Variants in TMEM59 observed in about 807,000 individuals in gnomAD.
The protein encoded by TMEM59 is transmembrane protein 59, also known as dendritic cell factor 1.
A neutral mutation model predicts 42.2 loss-of-function variants in TMEM59; 44 were observed. The ratio of observed to expected loss-of-function variants is 1.04; its 90% confidence interval spans 0.82 to 1.34. The LOEUF is 1.34. Ranked by LOEUF, TMEM59 falls within the 40% of genes most tolerant of loss-of-function variation. TMEM59 has a pLI of 0.00. For missense variants in TMEM59, 359 were observed against 382.8 expected, an observed-to-expected ratio of 0.94 and a Z score of 0.52; for synonymous variants, 148 against 145.8, an observed-to-expected ratio of 1.02 and a Z score of -0.11.
intron 3 of TMEM59, 128 bp from the exon 4 acceptor site, chr1:54,043,653 T>G (rs1657222529): frequency 3.8e-6 from 2 of 521,358 alleles, no homozygotes; most frequent in Non-Finnish European, 5.6e-6. Context: ...TCTACCATAA[T>G]CAATAGCATT....
rs1266940817 is a variant in TMEM59 at position 54,051,015 on chromosome 1, G to GT, written c.189+1984dup. Among the ~76,000 whole-genome samples the GT allele has an allele frequency of 4.6e-5, 7 of 151,350 alleles. No homozygotes were observed. The South Asian group carries it at 1.3e-3, about 27-fold the overall frequency. On this transcript the variant is annotated intron_variant, in intron 1 of 7. Coordinates refer to ENST00000234831, the MANE Select transcript of TMEM59 (RefSeq NM_004872.5). ...AGGTGCTCGTCTCCATGCCTGGCTA[G>GT]TTTTTTTGTTTTTCTTTTTTCCAGA... is the stretch of plus-strand genomic sequence containing the variant.
intron 3 of TMEM59, chr1:54,045,080 T>C (rs978743883): frequency 2.0e-5 from 3 of 152,188 alleles, no homozygotes; most frequent in African/African-American, 4.8e-5. Context: ...TTTCCCAGTA[T>C]GTCTGGAGAA....
chr1:54,042,796 C>T (rs996164965), intron 4 of TMEM59, among the ~76,000 whole-genome samples: 1 of 152,090 alleles, frequency 6.6e-6, no homozygotes, highest in Non-Finnish European at 1.5e-5. Flanking sequence ...TCACCTTCCT[C>T]ATAATAAAAC....
rs1656763605 is a variant in TMEM59, at chr1:54,031,425, C to T, written c.*725G>A. 6.6e-6 allele frequency: 1 copy of T among 152,092 alleles called. No individual in the cohort carries two copies. Among genetic ancestry groups the T allele is most frequent in the African/African-American group, 2.4e-5 (1 of 41,398 alleles). The allele number at this position is 152,092 out of a possible 1,614,324, so 9.4% of individuals were successfully genotyped here. ...AAGTTTTCTCTGAAAATATGTTTAC[C>T]TTATACTTGATATGCTATCTAACAG... On this transcript the variant is annotated 3_prime_UTR_variant, in exon 8 of 8. Transcript: ENST00000234831.
rs752474350 is a variant in TMEM59 at position 54,045,829 on chromosome 1, A to C, written c.296-43T>G. ...TCAAATTACAAGAAACAAAAGAGAA[A>C]GGGAAAGAGGAAAGAAAAGGATTTG... On this transcript the variant is annotated intron_variant, in intron 2 of 7. Transcript: ENST00000234831. 4 of 1,520,690 alleles carry C rather than the reference A, an allele frequency of 2.6e-6. No individual in the cohort carries two copies. In the South Asian group the frequency reaches 3.7e-5, roughly 14 times the overall value. The allele number at this position is 1,520,690 out of a possible 1,614,324, so 94.2% of individuals were successfully genotyped here.
chr1:54,044,832 A>G (rs1657274904), intron 3 of TMEM59: 2 of 152,174 alleles, frequency 1.3e-5, no homozygotes, highest in South Asian at 4.1e-4. Context: ...AATATTATGT[A>G]GTAGAAAAAA....
intron 2 of TMEM59, among the ~76,000 whole-genome samples, 172 bp from the exon 3 acceptor site, chr1:54,045,958 A>G (rs1446703607): frequency 6.6e-6 from 1 of 152,228 alleles, no homozygotes; most frequent in Non-Finnish European, 1.5e-5. Flanking sequence ...AGAACTCCAT[A>G]TTGTCTCCCT....
At position 54,040,810 on chromosome 1, in the gene TMEM59, T is replaced by G; in HGVS notation, c.653A>C (p.His218Pro). ...SYLQMRNSQAHRNFLEDGESD... is the reference protein window; with the variant it reads ...SYLQMRNSQAPRNFLEDGESD... ...TTCTCCATCTTCAAGAAAATTCCTGTGCGCTTGTGAATTTCTCATTTGCAG... is the reference window on the plus strand; with the variant it reads ...TTCTCCATCTTCAAGAAAATTCCTGGGCGCTTGTGAATTTCTCATTTGCAG... The change falls in exon 6 of 8, where the codon CAC becomes CCC. Residue 218 changes from histidine to proline, a missense_variant. Coordinates refer to ENST00000234831, the MANE Select transcript of TMEM59 (RefSeq NM_004872.5). 6.2e-7 allele frequency: 1 copy of G among 1,613,834 alleles called. No individual in the cohort carries two copies.
At chr1:54,047,452 C>T in intron 1 of TMEM59, 80 bp from the exon 2 acceptor site, 1 of 1,144,666 alleles carries the variant, frequency 8.7e-7, no homozygotes, top group South Asian at 1.4e-5. Flanking sequence ...AGGAAGAAAG[C>T]AGTTAGTAAA....
intron 3 of TMEM59, 54 bp from the exon 4 acceptor site, chr1:54,043,579 A>T (rs911396519): frequency 2.5e-6 from 3 of 1,189,560 alleles, no homozygotes; most frequent in Non-Finnish European, 3.3e-6. Flanking sequence ...TGTATATTCA[A>T]AAGAACAATA....
rs1363125628 is a variant in TMEM59, at chr1:54,031,934, TA to T, written c.*215del. On this transcript the variant is annotated 3_prime_UTR_variant, in exon 8 of 8. Transcript: ENST00000234831. Reference sequence around the variant, plus strand: ...AAAACAAAATAGCTACAGATATTAGTAAAATAATAATACAATCCCAAACATC... The same window carrying T: ...AAAACAAAATAGCTACAGATATTAGTAAATAATAATACAATCCCAAACATC... 3 of 408,104 alleles carry T rather than the reference TA, an allele frequency of 7.4e-6. No individual in the cohort carries two copies. The highest frequency in any genetic ancestry group is 1.3e-5 in the Non-Finnish European group (3 of 238,836). The allele number at this position is 408,104 out of a possible 1,614,324, so 25.3% of individuals were successfully genotyped here.
rs1656681651 is a variant in TMEM59 at position 54,028,871 on chromosome 1, C to G, written c.*3279G>C. 2 of 152,154 alleles carry G rather than the reference C, an allele frequency of 1.3e-5. No individual in the cohort carries two copies. The highest frequency in any genetic ancestry group is 2.9e-5 in the Non-Finnish European group (2 of 68,052). 9.4% of individuals were successfully genotyped at this position (152,154 alleles called of 1,614,324 possible). The stretch of plus-strand genomic sequence containing the variant: ...GCATAGGGCCTGCCACTCAGGATCT[C>G]AGGTGGTTGTTGAATGGTTAAATTG... On this transcript the variant is annotated 3_prime_UTR_variant, in exon 8 of 8. Coordinates refer to ENST00000234831, the MANE Select transcript of TMEM59 (RefSeq NM_004872.5).
At chr1:54,043,690 C>A (rs2100321145) in intron 3 of TMEM59, 165 bp from the exon 4 acceptor site, 1 of 353,462 alleles carries the variant, frequency 2.8e-6, no homozygotes, top group South Asian at 1.2e-4. Context: ...TATCTATGCA[C>A]ATTATGGTAA....
intron 2 of TMEM59, 125 bp from the exon 3 acceptor site, chr1:54,045,911 A>G: frequency 2.7e-6 from 2 of 747,190 alleles, no homozygotes; most frequent in South Asian, 4.1e-5. Flanking sequence ...TGAATTTCCA[A>G]ATTTGGTAAT....
Position 54,031,965 on chromosome 1 carries a change from T to G in TMEM59, c.*185A>C, listed in dbSNP as rs560815550. Reference sequence around the variant, plus strand: ...AATAATACAATCCCAAACATCCACCTCTTAAATTACTACAAAAACAATACC... The same window carrying G: ...AATAATACAATCCCAAACATCCACCGCTTAAATTACTACAAAAACAATACC... On this transcript the variant is annotated 3_prime_UTR_variant, in exon 8 of 8. Transcript: ENST00000234831. 1 of 479,558 alleles carries G rather than the reference T, an allele frequency of 2.1e-6. No individual in the cohort carries two copies. Among genetic ancestry groups the G allele is most frequent in the East Asian group, 3.3e-5 (1 of 29,990 alleles). The allele number at this position is 479,558 out of a possible 1,614,324, so 29.7% of individuals were successfully genotyped here.
At chr1:54,036,391 T>C (rs1656951283) in intron 7 of TMEM59, among the ~76,000 whole-genome samples, 1 of 152,094 alleles carries the variant, frequency 6.6e-6, no homozygotes, top group Non-Finnish European at 1.5e-5. Context: ...AGTCAACATA[T>C]ATGTCACCAC....
chr1:54,038,979 G>A (rs1174577141), intron 6 of TMEM59, among the ~76,000 whole-genome samples: 1 of 152,152 alleles, frequency 6.6e-6, no homozygotes, highest in Non-Finnish European at 1.5e-5. Flanking sequence ...TGACAACTGG[G>A]ACTACAGGTG....
chr1:54,043,898 A>G (rs1459997751), intron 3 of TMEM59: 1 of 152,360 alleles, frequency 6.6e-6, no homozygotes, highest in Non-Finnish European at 1.5e-5. Flanking sequence ...TAATGCTTTC[A>G]TCAAGAATAA....
At chr1:54,036,819 A>C in intron 6 of TMEM59, 101 bp from the exon 7 acceptor site, 1 of 667,988 alleles carries the variant, frequency 1.5e-6, no homozygotes, top group Non-Finnish European at 2.4e-6. Context: ...AGTACAATTA[A>C]AACTTTGTTG....
Sources: gnomAD v4.1 joint callset for allele counts (sites outside exome capture counted in the v4.1 genomes callset) on GRCh38, gnomAD v4.1.1 for gene constraint, MANE v1.5 for transcripts, NCBI Gene and HGNC (gene_info 2026-07-23, HGNC 2026-07-21) for gene names.